DPP6: variants seen among roughly 807,000 people sequenced by gnomAD.
The protein encoded by DPP6 is dipeptidyl peptidase like 6.
Under a neutral mutation model 122.6 loss-of-function variants are expected in DPP6, and 69 were observed. The ratio of observed to expected loss-of-function variants is 0.56; its 90% CI spans 0.46 to 0.69. The LOEUF is 0.69. Among genes scored for constraint, DPP6 ranks in the 30% least tolerant of loss-of-function variants. The pLI, the probability that DPP6 is intolerant of heterozygous loss-of-function variation, is 0.00. For missense variants in DPP6, 928 were observed against 1,116.9 expected, an observed-to-expected ratio of 0.83 and a Z score of 2.41; for synonymous variants, 418 against 433.1, an observed-to-expected ratio of 0.97 and a Z score of 0.43.
At chr7:154,586,277 T>TA (rs758741080) in intron 5 of DPP6, among the ~76,000 whole-genome samples, 36 of 151,914 alleles carry the variant, frequency 2.4e-4, no homozygotes, top group Admixed American at 3.9e-4. Context: ...TATTTGACCT[T>TA]AAAAAAAATT....
chr7:154,462,216 C>A (rs2151319371), intron 2 of DPP6, among the ~76,000 whole-genome samples: 1 of 152,248 alleles, frequency 6.6e-6, no homozygotes, highest in East Asian at 1.9e-4. Flanking sequence ...TTCCATTGCT[C>A]TATGTGTCTG....
In DPP6 at chr7:154,351,376, G is replaced by A. The variant is rs549029226; in HGVS notation, c.244-94838G>A. On this transcript the variant is annotated intron_variant, in intron 1 of 25. Coordinates refer to ENST00000377770, the MANE Select transcript of DPP6 (RefSeq NM_130797.4). Reference sequence around the variant, plus strand: ...TTCTCTTCTCCCAGGACCCTAGCTCGGGTGGAAACAGTGGGGAGGCCTTGG... The same window carrying A: ...TTCTCTTCTCCCAGGACCCTAGCTCAGGTGGAAACAGTGGGGAGGCCTTGG... Among the ~76,000 whole-genome samples, 11 of 152,218 alleles carry A rather than the reference G, an allele frequency of 7.2e-5. No homozygotes were observed. In the South Asian group the frequency reaches 1.5e-3, roughly 20 times the overall value.
intron 1 of DPP6, among the ~76,000 whole-genome samples, chr7:154,431,402 G>A (rs751200135): frequency 2.6e-5 from 4 of 151,722 alleles, no homozygotes; most frequent in Non-Finnish European, 4.4e-5. Context: ...TCAGATAGCC[G>A]CTGTCGTCAA....
the DPP6 span, among the ~76,000 whole-genome samples, chr7:153,837,662 C>G: frequency 4.6e-5 from 7 of 151,778 alleles, no homozygotes; most frequent in Non-Finnish European, 8.8e-5. Flanking sequence ...TAACAATGCC[C>G]TTTTCCAGAT....
At chr7:154,799,243 TC>T (rs1798214145) in intron 12 of DPP6, among the ~76,000 whole-genome samples, 1 of 152,094 alleles carries the variant, frequency 6.6e-6, no homozygotes, top group African/African-American at 2.4e-5. Flanking sequence ...TCTTCCCAAC[TC>T]CTTCCTGGAA....
intron 8 of DPP6, among the ~76,000 whole-genome samples, chr7:154,758,553 G>A (rs949596673): frequency 6.6e-6 from 1 of 151,912 alleles, no homozygotes; most frequent in Non-Finnish European, 1.5e-5. Flanking sequence ...TGTATTTTTA[G>A]TAGAGACGGG....
chr7:154,308,952 G>A (rs998972358), intron 1 of DPP6, among the ~76,000 whole-genome samples: 3 of 152,132 alleles, frequency 2.0e-5, no homozygotes, highest in Non-Finnish European at 2.9e-5. Context: ...GTGTGTGCAT[G>A]CGTATGCACA....
chr7:153,810,867 A>G, the DPP6 span, among the ~76,000 whole-genome samples: 1 of 152,200 alleles, frequency 6.6e-6, no homozygotes, highest in Admixed American at 6.5e-5. Context: ...AATTGGTCCC[A>G]TAGCCTCAGA....
chr7:153,831,670 T>C, the DPP6 span, among the ~76,000 whole-genome samples: 1 of 152,244 alleles, frequency 6.6e-6, no homozygotes, highest in South Asian at 2.1e-4. Context: ...TATAATTTTT[T>C]GTGTCACAAA....
At chr7:154,644,649 G>T (rs1836325334) in intron 6 of DPP6, among the ~76,000 whole-genome samples, 1 of 151,792 alleles carries the variant, frequency 6.6e-6, no homozygotes. Flanking sequence ...AGGATTGTGT[G>T]TGTAAACTGG....
At chr7:154,333,063 G>A (rs1809093801) in intron 1 of DPP6, among the ~76,000 whole-genome samples, 1 of 152,178 alleles carries the variant, frequency 6.6e-6, no homozygotes, top group Non-Finnish European at 1.5e-5. Flanking sequence ...TCTCAGAGAA[G>A]ACAGCTCTAT....
intron 1 of DPP6, among the ~76,000 whole-genome samples, chr7:154,301,302 T>G (rs1805882380): frequency 6.6e-6 from 1 of 152,182 alleles, no homozygotes. Flanking sequence ...CAGTATTCAT[T>G]GAGCACCTCT....
intron 1 of DPP6, among the ~76,000 whole-genome samples, chr7:154,033,527 A>G (rs778434996): frequency 1.3e-5 from 2 of 152,204 alleles, no homozygotes; most frequent in Admixed American, 6.5e-5. Flanking sequence ...TGGTCAAGGA[A>G]TGTTCATTCT....
chr7:153,756,650 C>A, the DPP6 span, among the ~76,000 whole-genome samples: 1 of 152,038 alleles, frequency 6.6e-6, no homozygotes, highest in African/African-American at 2.4e-5. Flanking sequence ...TTGGTAATTT[C>A]TGGAAGAAAT....
At position 154,044,950 on chromosome 7, in the gene DPP6, G is replaced by C. The variant is rs1475991513; in HGVS notation, c.51+157216G>C. Among the ~76,000 whole-genome samples the C allele has an allele frequency of 2.0e-5, 3 of 151,970 alleles. No homozygotes were observed. In the East Asian group the frequency reaches 5.8e-4, roughly 29 times the overall value. ...AGAGTTCTTCTGCCAAATTGCATAT[G>C]TTCTGGCAAGATGGGAAAAGGCTCT... On this transcript the variant is annotated intron_variant, in intron 1 of 25. Transcript: ENST00000404039.
chr7:154,542,363 T>C (rs1304170909), intron 4 of DPP6, among the ~76,000 whole-genome samples: 1 of 152,208 alleles, frequency 6.6e-6, no homozygotes, highest in Admixed American at 6.5e-5. Context: ...GATAAAATGA[T>C]CAGACTGTTG....
intron 3 of DPP6, among the ~76,000 whole-genome samples, chr7:154,527,868 G>A (rs879307383): frequency 2.0e-5 from 3 of 151,810 alleles, no homozygotes; most frequent in Non-Finnish European, 4.4e-5. Context: ...ATGCATTATT[G>A]TCAAGCAAAA....
chr7:154,764,336 A>C (rs7789315), intron 8 of DPP6, among the ~76,000 whole-genome samples: 89,333 of 151,720 alleles, frequency 0.59, 26,453 homozygotes, highest in Non-Finnish European at 0.62. Context: ...GTGTTACTGT[A>C]ACCTGCGTGG....
chr7:154,390,929 C>T (rs1475439255), intron 1 of DPP6, among the ~76,000 whole-genome samples: 3 of 152,134 alleles, frequency 2.0e-5, no homozygotes, highest in African/African-American at 7.2e-5. Flanking sequence ...ATCGTACAGT[C>T]GTCAGAAGGG....
Sources: allele counts gnomAD v4.1 joint callset (sites outside exome capture counted in the v4.1 genomes callset), GRCh38; gene constraint gnomAD v4.1.1; transcripts MANE v1.5; gene names NCBI Gene and HGNC (gene_info 2026-07-23, HGNC 2026-07-21).